Variants in ZNF540 observed in about 807,000 individuals in gnomAD.
The protein encoded by ZNF540 is CTD-3064H18.6.
Under a neutral mutation model 11.8 loss-of-function variants are expected in ZNF540, and 3 were observed. The ratio of observed to expected loss-of-function variants is 0.25; its 90% CI spans 0.12 to 0.65. The LOEUF (loss-of-function observed/expected upper bound fraction) is 0.65, where lower values mean the gene tolerates loss of function less well. Ranked by LOEUF, ZNF540 falls within the 30% of genes least tolerant of loss-of-function variation. The pLI is 0.83. For synonymous variants in ZNF540, 247 were observed against 259.0 expected, an observed-to-expected ratio of 0.95 and a Z score of 0.45; for missense variants, 709 against 793.1, an observed-to-expected ratio of 0.89 and a Z score of 1.27.
intron 1 of ZNF540, among the ~76,000 whole-genome samples, chr19:37,575,018 C>A (rs2043195103): frequency 1.3e-5 from 2 of 152,190 alleles, no homozygotes; most frequent in African/African-American, 4.8e-5. Flanking sequence ...ACTTCATAAC[C>A]TGTTATTCAC....
At chr19:37,556,768 G>A (rs1000104470) in intron 1 of ZNF540, among the ~76,000 whole-genome samples, 1 of 152,168 alleles carries the variant, frequency 6.6e-6, no homozygotes, top group African/African-American at 2.4e-5. Flanking sequence ...ATTTCAAAAG[G>A]TGAGAACCTA....
At position 37,613,248 on chromosome 19, in the gene ZNF540, T is replaced by G; in HGVS notation, c.1968T>G (p.Thr656=). 6.7e-7 allele frequency: 1 copy of G among 1,498,356 alleles called. No homozygotes were observed. Among genetic ancestry groups the G allele is most frequent in the Middle Eastern group, 1.8e-4 (1 of 5,566 alleles). The allele number at this position is 1,498,356 out of a possible 1,614,324, so 92.8% of individuals were successfully genotyped here. Residue 656 remains threonine, a synonymous_variant, in exon 5 of 5, where the codon ACT becomes ACG. Transcript: ENST00000316433. ...CACATCTTTATCAACATCAGAAAAC[T>G]CATAATGTAATTTAATATAAGAAAA... ...QYSHLYQHQK[T]HNVI
intron 2 of ZNF540, 94 bp from the exon 3 acceptor site, chr19:37,599,532 C>T: frequency 6.8e-7 from 1 of 1,471,374 alleles, no homozygotes; most frequent in East Asian, 2.3e-5. Flanking sequence ...TAGTATAGTA[C>T]CCCTTGCTGC....
At chr19:37,598,275 G>A in intron 1 of ZNF540, 101 bp from the exon 2 acceptor site, 1 of 637,774 alleles carries the variant, frequency 1.6e-6, no homozygotes, top group Admixed American at 2.9e-5. Flanking sequence ...GGAGGTATTT[G>A]CAAGCAACAG....
intron 1 of ZNF540, chr19:37,584,034 G>C (rs764698175): frequency 1.2e-6 from 2 of 1,614,066 alleles, no homozygotes; most frequent in South Asian, 2.2e-5. Context: ...CTCTGAGCAG[G>C]GTCCAGGCAT....
At chr19:37,610,192 TTAAG>T (rs1363095573) in intron 4 of ZNF540, among the ~76,000 whole-genome samples, 4 of 152,212 alleles carry the variant, frequency 2.6e-5, no homozygotes, top group Admixed American at 6.5e-5. Flanking sequence ...AATATAAAAA[TTAAG>T]TGATTGTCCT....
At chr19:37,572,665 C>T (rs1301131541) in intron 1 of ZNF540, among the ~76,000 whole-genome samples, 1 of 152,130 alleles carries the variant, frequency 6.6e-6, no homozygotes, top group Non-Finnish European at 1.5e-5. Flanking sequence ...CTAACTCATG[C>T]CTCCATATAT....
chr19:37,599,266 TTTA>T (rs1208159021), intron 2 of ZNF540, among the ~76,000 whole-genome samples: 2 of 152,206 alleles, frequency 1.3e-5, no homozygotes, highest in South Asian at 2.1e-4. Flanking sequence ...TCTTAAAGTA[TTTA>T]TTATTAAGTA....
chr19:37,605,187 G>GC (rs1182409054), intron 4 of ZNF540, among the ~76,000 whole-genome samples: 7 of 152,140 alleles, frequency 4.6e-5, no homozygotes, highest in Non-Finnish European at 1.0e-4. Context: ...TGGGCTGGGC[G>GC]CAGTAGTTCA....
chr19:37,580,369 G>A (rs1023619701), intron 1 of ZNF540, among the ~76,000 whole-genome samples: 7 of 152,284 alleles, frequency 4.6e-5, no homozygotes, highest in African/African-American at 1.4e-4. Flanking sequence ...ATATTTTCAG[G>A]TTATACACTC....
At chr19:37,583,872 A>T in intron 1 of ZNF540, 4 of 1,262,772 alleles carry the variant, frequency 3.2e-6, no homozygotes, top group Non-Finnish European at 4.4e-6. Context: ...TTCTACTCAA[A>T]CGTAAGCCTT....
At chr19:37,608,473 T>G (rs1427132481) in intron 4 of ZNF540, among the ~76,000 whole-genome samples, 1 of 152,210 alleles carries the variant, frequency 6.6e-6, no homozygotes, top group Non-Finnish European at 1.5e-5. Flanking sequence ...TTTCTTATAG[T>G]CTTTTAAAAT....
chr19:37,604,296 C>CTTTTTTTTT lies in ZNF540; in HGVS notation c.232+3212_232+3220dup, dbSNP rs769163050. Among the ~76,000 whole-genome samples, 532 of 75,196 alleles carry CTTTTTTTTT rather than the reference C, an allele frequency of 7.1e-3. 137 individuals carry two copies. The highest frequency in any genetic ancestry group is 0.018 in the East Asian group (35 of 1,994). The allele number at this position is 75,196 out of a possible 152,430, so 49.3% of individuals were successfully genotyped here. A position where few individuals can be genotyped will look rare whatever the true frequency, so the allele number is the denominator to read the frequency against. On this transcript the variant is annotated intron_variant, in intron 4 of 4. Coordinates refer to ENST00000316433, the MANE Select transcript of ZNF540 (RefSeq NM_001172225.3). Reference sequence around the variant, plus strand: ...CATAGAGCTTTGGAAAATAGCCTTACTTTTTTTTTTTTTTTTTTTTTTTTT... The same window carrying CTTTTTTTTT: ...CATAGAGCTTTGGAAAATAGCCTTACTTTTTTTTTTTTTTTTTTTTTTTTTTTTTTTTTT...
intron 4 of ZNF540, among the ~76,000 whole-genome samples, chr19:37,601,699 G>T (rs111313760): frequency 6.6e-6 from 1 of 152,202 alleles, no homozygotes; most frequent in Non-Finnish European, 1.5e-5. Context: ...AAGGCTCTTC[G>T]AAGAGAGAAT....
At chr19:37,582,102 T>C (rs755423600) in intron 1 of ZNF540, among the ~76,000 whole-genome samples, 1 of 152,226 alleles carries the variant, frequency 6.6e-6, no homozygotes, top group Non-Finnish European at 1.5e-5. Context: ...ATTTGTAACT[T>C]TGAGGGTTCC....
chr19:37,609,310 G>A (rs552549504), intron 4 of ZNF540, among the ~76,000 whole-genome samples: 19 of 152,276 alleles, frequency 1.2e-4, no homozygotes, highest in South Asian at 2.1e-4. Flanking sequence ...TTGGGAGGCC[G>A]AGGTGGGCGG....
intron 4 of ZNF540, among the ~76,000 whole-genome samples, chr19:37,603,004 C>CTTTTTTTTTTTTTTTTTTTTTTTTTTT: frequency 8.8e-6 from 1 of 113,240 alleles, no homozygotes; most frequent in South Asian, 2.9e-4. Context: ...TGTAAGGAGT[C>CTTTTTTTTTTTTTTTTTTTTTTTTTTT]TTTTTTTTTT....
chr19:37,601,183 T>A (rs535051988), intron 4 of ZNF540, 78 bp downstream of exon 4: 2 of 1,241,140 alleles, frequency 1.6e-6, no homozygotes, highest in South Asian at 2.8e-5. Context: ...ATATACAGGC[T>A]TTGCATGCTG....
chr19:37,609,948 A>C (rs1472941864), intron 4 of ZNF540, among the ~76,000 whole-genome samples: 1 of 152,222 alleles, frequency 6.6e-6, no homozygotes, highest in Non-Finnish European at 1.5e-5. Context: ...GTGTAAACAT[A>C]CATCTCTTTG....
Sources: gnomAD v4.1 joint callset for allele counts (sites outside exome capture counted in the v4.1 genomes callset) on GRCh38, gnomAD v4.1.1 for gene constraint, MANE v1.5 for transcripts, NCBI Gene and HGNC (gene_info 2026-07-23, HGNC 2026-07-21) for gene names.